Variants in EIF4EBP2 observed in about 807,000 individuals in gnomAD.
The protein encoded by EIF4EBP2 is eukaryotic translation initiation factor 4E-binding protein 2.
In EIF4EBP2, 5 loss-of-function variants were observed where a neutral mutation model predicts 10.3. That is an observed-to-expected ratio of 0.48 (90% confidence interval 0.25 to 1.02). The LOEUF is 1.02. Among genes scored for constraint, EIF4EBP2 ranks in the 50% least tolerant of loss-of-function variants. EIF4EBP2 has a pLI of 0.15. For synonymous variants in EIF4EBP2, 67 were observed against 61.1 expected (o/e 1.10, Z -0.45); for missense variants, 188 against 162.2 (o/e 1.16, Z -0.86).
chr10:70,417,522 G>A (rs937704836), intron 1 of EIF4EBP2, among the ~76,000 whole-genome samples: 1 of 152,156 alleles, frequency 6.6e-6, no homozygotes, highest in African/African-American at 2.4e-5. Flanking sequence ...GTAAAATACC[G>A]TATCTTATCA....
rs1845161677 is a variant in EIF4EBP2, at chr10:70,421,940, C to T, written c.*193C>T. 1.7e-6 allele frequency: 1 copy of T among 579,364 alleles called. No individual in the cohort carries two copies. The highest frequency in any genetic ancestry group is 2.8e-5 in the East Asian group (1 of 35,724). 35.9% of individuals were successfully genotyped at this position (579,364 alleles called of 1,614,324 possible). A position where few individuals can be genotyped will look rare whatever the true frequency, so the allele number is the denominator to read the frequency against. On this transcript the variant is annotated 3_prime_UTR_variant, in exon 3 of 3. Transcript: ENST00000373218. ...TCATCTGACCATTTCTTCTCCCTGT[C>T]TCCTGTTCCCCTTCCCAGTTAAACA...
intron 2 of EIF4EBP2, 97 bp downstream of exon 2, chr10:70,420,196 T>C: frequency 1.6e-6 from 2 of 1,234,666 alleles, no homozygotes; most frequent in Non-Finnish European, 2.2e-6. Context: ...TTCAGTTTTG[T>C]TTTTTGTTTT....
At chr10:70,406,196 C>G (rs1476537874) in intron 1 of EIF4EBP2, among the ~76,000 whole-genome samples, 1 of 152,166 alleles carries the variant, frequency 6.6e-6, no homozygotes, top group Non-Finnish European at 1.5e-5. Flanking sequence ...TGCCCAGGCT[C>G]GTCCTGGGCT....
chr10:70,418,040 T>C (rs1460471957), intron 1 of EIF4EBP2, among the ~76,000 whole-genome samples: 1 of 152,168 alleles, frequency 6.6e-6, no homozygotes, highest in African/African-American at 2.4e-5. Flanking sequence ...TCCCCAAAAT[T>C]CTTATGTTGA....
chr10:70,405,059 C>T (rs567673400), intron 1 of EIF4EBP2, among the ~76,000 whole-genome samples: 87 of 152,326 alleles, frequency 5.7e-4, no homozygotes, highest in African/African-American at 1.5e-3. Context: ...CTGGAAGCCT[C>T]GCCCAGCGTT....
In EIF4EBP2 at chr10:70,426,221, T is replaced by C. The variant is rs1258827585; in HGVS notation, c.*4474T>C. On this transcript the variant is annotated 3_prime_UTR_variant, in exon 3 of 3. Transcript: ENST00000373218. The stretch of plus-strand genomic sequence containing the variant: ...TCATTCCTAACCAAGTCTTTAGAGA[T>C]TTCAGATGACCTTAAAGATGCAATA... The C allele has an allele frequency of 2.0e-5, 3 of 152,226 alleles. No homozygotes were observed. Among genetic ancestry groups the C allele is most frequent in the African/African-American group, 7.2e-5 (3 of 41,450 alleles). 9.4% of individuals were successfully genotyped at this position (152,226 alleles called of 1,614,324 possible).
intron 1 of EIF4EBP2, among the ~76,000 whole-genome samples, chr10:70,406,021 G>A (rs1481144894): frequency 6.6e-6 from 1 of 152,140 alleles, no homozygotes; most frequent in East Asian, 1.9e-4. Context: ...TCACTCTGTC[G>A]CCCAGGCTGG....
intron 1 of EIF4EBP2, 39 bp downstream of exon 1, chr10:70,404,585 G>A (rs748822786): frequency 4.0e-6 from 6 of 1,512,784 alleles, no homozygotes; most frequent in Non-Finnish European, 4.4e-6. Context: ...CCGGTGTCCC[G>A]CCGCGGTCCT....
In EIF4EBP2 at chr10:70,424,072, A is replaced by G. The variant is rs913120684; in HGVS notation, c.*2325A>G. ...GTGGAATTTGACCCAACTAGCAGCT[A>G]GTCAGTCTGTCAGTGAGCAGAAGAG... On this transcript the variant is annotated 3_prime_UTR_variant, in exon 3 of 3. Coordinates refer to ENST00000373218, the MANE Select transcript of EIF4EBP2 (RefSeq NM_004096.5). 2.0e-5 allele frequency: 3 copies of G among 152,194 alleles called. No individual in the cohort carries two copies. The highest frequency in any genetic ancestry group is 1.3e-4 in the Admixed American group (2 of 15,280). 9.4% of individuals were successfully genotyped at this position (152,194 alleles called of 1,614,324 possible).
At chr10:70,411,566 T>G (rs530948713) in intron 1 of EIF4EBP2, among the ~76,000 whole-genome samples, 1 of 152,318 alleles carries the variant, frequency 6.6e-6, no homozygotes, top group East Asian at 1.9e-4. Flanking sequence ...CACTGCAGCC[T>G]TGACCTCCTG....
rs998450039 is a variant in EIF4EBP2 at position 70,428,318 on chromosome 10, T to G, written c.*6571T>G. ...TAGCCCTGCCCTGTCTTAGTGCCAC[T>G]AACGGCCCAGTTCCATCCATTCTGA... On this transcript the variant is annotated 3_prime_UTR_variant, in exon 3 of 3. Coordinates refer to ENST00000373218, the MANE Select transcript of EIF4EBP2 (RefSeq NM_004096.5). 6.6e-6 allele frequency: 1 copy of G among 152,120 alleles called. No homozygotes were observed. Among genetic ancestry groups the G allele is most frequent in the Non-Finnish European group, 1.5e-5 (1 of 68,010 alleles). 9.4% of individuals were successfully genotyped at this position (152,120 alleles called of 1,614,324 possible).
chr10:70,411,339 T>C (rs1845041804), intron 1 of EIF4EBP2, among the ~76,000 whole-genome samples: 1 of 152,212 alleles, frequency 6.6e-6, no homozygotes, highest in Non-Finnish European at 1.5e-5. Context: ...TGTCCTTTCG[T>C]AAATGAACAT....
At chr10:70,417,707 C>G (rs1355076768) in intron 1 of EIF4EBP2, among the ~76,000 whole-genome samples, 3 of 152,202 alleles carry the variant, frequency 2.0e-5, no homozygotes, top group Non-Finnish European at 4.4e-5. Flanking sequence ...ACCACCTCAT[C>G]TCCACAATTT....
chr10:70,408,311 G>C (rs1255533656), intron 1 of EIF4EBP2, among the ~76,000 whole-genome samples: 1 of 152,064 alleles, frequency 6.6e-6, no homozygotes, highest in Non-Finnish European at 1.5e-5. Flanking sequence ...CCTCCCGGAC[G>C]GGGCGGCTTA....
At position 70,404,455 on chromosome 10, in the gene EIF4EBP2, C is replaced by T. The variant is rs1844946781; in HGVS notation, c.54C>T (p.Pro18=). ...GHQPSQSRAI[P]TRTVAISDAA... is the part of the protein sequence containing the mutation. ...AGCCCAGCCAGAGCCGCGCCATCCC[C>T]ACCCGCACCGTGGCCATCAGCGACG... The change falls in exon 1 of 3, where the codon CCC becomes CCT. Residue 18 remains proline, a synonymous_variant. Coordinates refer to ENST00000373218, the MANE Select transcript of EIF4EBP2 (RefSeq NM_004096.5). The T allele has an allele frequency of 6.3e-7, 1 of 1,598,572 alleles. No homozygotes were observed. Among genetic ancestry groups the T allele is most frequent in the Non-Finnish European group, 8.5e-7 (1 of 1,175,000 alleles).
rs78689297 is a variant in EIF4EBP2 at position 70,408,301 on chromosome 10, C to T, written c.145+3755C>T. Among the ~76,000 whole-genome samples the T allele has an allele frequency of 2.0e-5, 3 of 152,102 alleles. No individual in the cohort carries two copies. The East Asian group carries it at 5.8e-4, about 29-fold the overall frequency. ...GGCGGCCGGGCAGAGGCGCCCCTCA[C>T]CTCCCGGACGGGGCGGCTTAGCCAG... On this transcript the variant is annotated intron_variant, in intron 1 of 2. Transcript: ENST00000373218.
intron 1 of EIF4EBP2, among the ~76,000 whole-genome samples, chr10:70,405,790 A>C (rs1844959626): frequency 6.6e-6 from 1 of 152,190 alleles, no homozygotes; most frequent in Non-Finnish European, 1.5e-5. Context: ...GGAGCTTTAC[A>C]GAGAAATTCA....
At chr10:70,409,469 A>T (rs1320424281) in intron 1 of EIF4EBP2, among the ~76,000 whole-genome samples, 1 of 152,212 alleles carries the variant, frequency 6.6e-6, no homozygotes, top group African/African-American at 2.4e-5. Flanking sequence ...TATTATTGAG[A>T]GAAATTGGGA....
chr10:70,423,810 G>C lies in EIF4EBP2; in HGVS notation c.*2063G>C, dbSNP rs1413160356. The C allele has an allele frequency of 1.3e-5, 2 of 152,656 alleles. No individual in the cohort carries two copies. The highest frequency in any genetic ancestry group is 4.8e-5 in the African/African-American group (2 of 41,458). The allele number at this position is 152,656 out of a possible 1,614,324, so 9.5% of individuals were successfully genotyped here. A position where few individuals can be genotyped will look rare whatever the true frequency, so the allele number is the denominator to read the frequency against. ...TAAGCTGGATCTCCAATGTTTTGGG[G>C]ATGCTTTGAGTCTCAAAAAAAATTG... is the stretch of plus-strand genomic sequence containing the variant. On this transcript the variant is annotated 3_prime_UTR_variant, in exon 3 of 3. Coordinates refer to ENST00000373218, the MANE Select transcript of EIF4EBP2 (RefSeq NM_004096.5).
Sources: allele counts gnomAD v4.1 joint callset (sites outside exome capture counted in the v4.1 genomes callset), GRCh38; gene constraint gnomAD v4.1.1; transcripts MANE v1.5; gene names NCBI Gene and HGNC (gene_info 2026-07-23, HGNC 2026-07-21).